GRIP1: variants seen among roughly 807,000 people sequenced by gnomAD.
GRIP1 encodes the protein glutamate receptor interacting protein 1, also known as glutamate receptor-interacting protein 1.
Under a neutral mutation model 129.9 loss-of-function variants are expected in GRIP1, and 45 were observed. The observed-to-expected ratio is 0.35, with a 90% CI of 0.27 to 0.44. The LOEUF (loss-of-function observed/expected upper bound fraction) is 0.44. GRIP1 is among the 20% of genes least tolerant of loss of function. The pLI is 1.00. For synonymous variants in GRIP1, 530 were observed against 520.8 expected, an observed-to-expected ratio of 1.02 and a Z score of -0.24; for missense variants, 1,196 against 1,396.8, an observed-to-expected ratio of 0.86 and a Z score of 2.29.
intron 1 of GRIP1, among the ~76,000 whole-genome samples, chr12:66,881,087 A>G (rs1348767176): frequency 6.6e-6 from 1 of 151,562 alleles, no homozygotes; most frequent in Admixed American, 6.6e-5. Flanking sequence ...CCTTTCATTT[A>G]TTAATTTCTG....
intron 7 of GRIP1, among the ~76,000 whole-genome samples, chr12:66,508,035 G>A (rs980836268): frequency 6.6e-6 from 1 of 152,202 alleles, no homozygotes; most frequent in Admixed American, 6.5e-5. Context: ...AAGGTTTGAA[G>A]CTGAGCAAGG....
At chr12:66,567,766 T>C (rs1431156159) in intron 2 of GRIP1, 1 of 216,696 alleles carries the variant, frequency 4.6e-6, no homozygotes, top group Non-Finnish European at 9.9e-6. Flanking sequence ...AAAATCACAG[T>C]GGTAATTCTG....
At chr12:67,037,188 C>A (rs7314718) in intron 1 of GRIP1, among the ~76,000 whole-genome samples, 1 of 151,692 alleles carries the variant, frequency 6.6e-6, no homozygotes, top group Non-Finnish European at 1.5e-5. Flanking sequence ...ATTAGCAGGG[C>A]GTGGTGGCGG....
At chr12:66,977,160 T>C (rs184298100) in intron 1 of GRIP1, among the ~76,000 whole-genome samples, 7 of 152,070 alleles carry the variant, frequency 4.6e-5, no homozygotes, top group Non-Finnish European at 8.8e-5. Flanking sequence ...TATATAAACA[T>C]TAGCATTCCC....
At chr12:66,622,790 T>C (rs956664673) in intron 1 of GRIP1, among the ~76,000 whole-genome samples, 9 of 152,174 alleles carry the variant, frequency 5.9e-5, no homozygotes, top group Non-Finnish European at 8.8e-5. Context: ...GCCTTACTCA[T>C]ACTCATCCTT....
intron 2 of GRIP1, among the ~76,000 whole-genome samples, chr12:66,544,292 G>T (rs1355872267): frequency 6.6e-6 from 1 of 152,098 alleles, no homozygotes; most frequent in Non-Finnish European, 1.5e-5. Flanking sequence ...TGAGTAATTT[G>T]TGCATTCATT....
chr12:66,813,357 G>A (rs118178222), intron 1 of GRIP1, among the ~76,000 whole-genome samples: 2,574 of 152,260 alleles, frequency 0.017, 38 homozygotes, highest in Non-Finnish European at 0.027. Flanking sequence ...GATCTGCACC[G>A]ATGATCCAAG....
chr12:66,616,351 C>T (rs2065038618), intron 1 of GRIP1, among the ~76,000 whole-genome samples: 1 of 151,970 alleles, frequency 6.6e-6, no homozygotes, highest in South Asian at 2.1e-4. Flanking sequence ...ACCCCAAAAA[C>T]AGTATTTTAT....
intron 1 of GRIP1, among the ~76,000 whole-genome samples, chr12:66,651,468 A>G (rs1904539): frequency 0.55 from 83,686 of 152,108 alleles, 23,831 homozygotes; most frequent in East Asian, 0.78. Context: ...TTTCCCCAGC[A>G]TTCTCAATCC....
In GRIP1 at chr12:66,349,196, G is replaced by C; in HGVS notation, c.3210C>G (p.Leu1070=). ...CCAGCTTATTCCCGGATTCTGCTAT[G>C]AGGGGCACAACAAGGCAGCAGTCAA... ...RDFDCCLVVP[L]IAESGNKLDL... The change falls in exon 25 of 25, where the codon CTC becomes CTG. Residue 1070 remains leucine (L), a synonymous_variant. Coordinates refer to ENST00000359742, the MANE Select transcript of GRIP1 (RefSeq NM_001366722.1). 2 of 1,614,092 alleles carry C rather than the reference G, an allele frequency of 1.2e-6. No homozygotes were observed. The highest frequency in any genetic ancestry group is 1.7e-6 in the Non-Finnish European group (2 of 1,179,982).
intron 14 of GRIP1, among the ~76,000 whole-genome samples, chr12:66,425,213 C>T (rs2057940902): frequency 6.6e-6 from 1 of 152,204 alleles, no homozygotes; most frequent in Non-Finnish European, 1.5e-5. Context: ...TGCTTTCTAG[C>T]TTCCAGAGTT....
At chr12:66,462,889 C>T (rs938335200) in intron 9 of GRIP1, 35 bp downstream of exon 9, 11 of 1,579,710 alleles carry the variant, frequency 7.0e-6, no homozygotes, top group Non-Finnish European at 7.8e-6. Context: ...CTGTGAGGGC[C>T]AGAGAAAGAG....
chr12:67,056,784 G>T (rs1428488056), intron 1 of GRIP1, among the ~76,000 whole-genome samples: 2 of 152,030 alleles, frequency 1.3e-5, no homozygotes, highest in Admixed American at 6.6e-5. Context: ...TCCTGTTATG[G>T]ACTGAATGGT....
At chr12:66,934,525 C>A (rs2041452810) in intron 1 of GRIP1, among the ~76,000 whole-genome samples, 1 of 152,192 alleles carries the variant, frequency 6.6e-6, no homozygotes, top group African/African-American at 2.4e-5. Flanking sequence ...CATGGTTTCA[C>A]ACAATGCCCT....
At chr12:66,611,675 T>A (rs1417494336) in intron 1 of GRIP1, among the ~76,000 whole-genome samples, 1 of 152,222 alleles carries the variant, frequency 6.6e-6, no homozygotes, top group African/African-American at 2.4e-5. Flanking sequence ...GACTGAATTA[T>A]GTAAACCTAT....
chr12:66,615,990 TAGA>T (rs773998316), intron 1 of GRIP1, among the ~76,000 whole-genome samples: 1 of 152,196 alleles, frequency 6.6e-6, no homozygotes, highest in African/African-American at 2.4e-5. Flanking sequence ...CATTCAAACG[TAGA>T]AGGCCTTTTT....
chr12:66,578,236 T>TTTTTTC (rs1400970634), intron 2 of GRIP1, among the ~76,000 whole-genome samples: 1 of 141,930 alleles, frequency 7.0e-6, no homozygotes, highest in Non-Finnish European at 1.5e-5. Flanking sequence ...ACCGCGGTTT[T>TTTTTTC]TTTTTTTTTT....
intron 1 of GRIP1, among the ~76,000 whole-genome samples, chr12:66,911,199 T>G (rs927549057): frequency 6.6e-6 from 1 of 152,188 alleles, no homozygotes; most frequent in African/African-American, 2.4e-5. Flanking sequence ...ATAAAACAGG[T>G]GCTTTAATAT....
chr12:66,927,843 T>C (rs150856412), intron 1 of GRIP1, among the ~76,000 whole-genome samples: 164 of 152,320 alleles, frequency 1.1e-3, no homozygotes, highest in African/African-American at 3.7e-3. Flanking sequence ...ATCATGATCA[T>C]TTTATTAGCC....
Sources: allele counts gnomAD v4.1 joint callset (sites outside exome capture counted in the v4.1 genomes callset), GRCh38; gene constraint gnomAD v4.1.1; transcripts MANE v1.5; gene names NCBI Gene and HGNC (gene_info 2026-07-23, HGNC 2026-07-21).